The following STARD13 variants were observed in gnomAD, a reference collection of about 807,000 sequenced individuals.
STARD13 encodes stAR-related lipid transfer protein 13.
A neutral mutation model predicts 106.4 loss-of-function variants in STARD13; 62 were observed. The observed-to-expected ratio is 0.58, with a 90% CI of 0.48 to 0.72. The LOEUF (loss-of-function observed/expected upper bound fraction) is 0.72, where lower values mean the gene tolerates loss of function less well. Among genes scored for constraint, STARD13 ranks in the 30% least tolerant of loss-of-function variants. STARD13 has a pLI of 0.00. For missense variants in STARD13, 1,387 were observed against 1,424.0 expected, an observed-to-expected ratio of 0.97 and a Z score of 0.42; for synonymous variants, 565 against 553.0, an observed-to-expected ratio of 1.02 and a Z score of -0.31.
chr13:33,206,328 A>G (rs535386137), intron 1 of STARD13, among the ~76,000 whole-genome samples: 2 of 151,630 alleles, frequency 1.3e-5, no homozygotes, highest in East Asian at 1.9e-4. Context: ...AGGTTTTTCC[A>G]TGCCTAATAA....
rs769512023 is a variant in STARD13, at chr13:33,129,875, C to T, written c.802G>A (p.Gly268Arg). The change falls in exon 5 of 14, where the codon GGG (glycine) becomes AGG (arginine). Residue 268 changes from glycine to arginine, a missense_variant. Transcript: ENST00000336934. ...SFLKRMETLR[G>R]KGAHGRHKGS... ...TTATGCCTCCCGTGGGCTCCCTTCCCTCGGAGTGTTTCCATGCGTTTCAAA... is the reference window on the plus strand; with the variant it reads ...TTATGCCTCCCGTGGGCTCCCTTCCTTCGGAGTGTTTCCATGCGTTTCAAA... The T allele has an allele frequency of 5.0e-6, 8 of 1,613,138 alleles. No homozygotes were observed. In the South Asian group the frequency reaches 7.7e-5, roughly 15 times the overall value.
At chr13:33,389,155 A>C in the STARD13 span, among the ~76,000 whole-genome samples, 1 of 151,682 alleles carries the variant, frequency 6.6e-6, no homozygotes, top group African/African-American at 2.4e-5. Flanking sequence ...ATGGGATTTC[A>C]CCATGTTGGC....
intron 5 of STARD13, among the ~76,000 whole-genome samples, chr13:33,128,125 G>A (rs1716122986): frequency 6.6e-6 from 1 of 151,632 alleles, no homozygotes; most frequent in South Asian, 2.1e-4. Context: ...CAGAGATAGA[G>A]CAATATAGAC....
chr13:33,524,210 G>A, the STARD13 span: 1 of 1,257,198 alleles, frequency 8.0e-7, no homozygotes. Context: ...CTCACACCAG[G>A]GGCATATGTA....
the STARD13 span, among the ~76,000 whole-genome samples, chr13:33,395,484 A>G: frequency 6.6e-6 from 1 of 152,178 alleles, no homozygotes; most frequent in Non-Finnish European, 1.5e-5. Context: ...TGTAGTGGAA[A>G]TAAAAGAGGA....
the STARD13 span, among the ~76,000 whole-genome samples, chr13:33,664,754 G>C: frequency 6.6e-6 from 1 of 152,200 alleles, no homozygotes; most frequent in Non-Finnish European, 1.5e-5. Flanking sequence ...AGCCTCCGGA[G>C]TAGCGGGGAC....
intron 1 of STARD13, among the ~76,000 whole-genome samples, chr13:33,254,298 G>A (rs1181870565): frequency 6.6e-6 from 1 of 152,196 alleles, no homozygotes; most frequent in African/African-American, 2.4e-5. Context: ...AGGCTTAACA[G>A]TGTTGGAGAG....
intron 7 of STARD13, among the ~76,000 whole-genome samples, chr13:33,119,740 G>A (rs1316011855): frequency 6.6e-6 from 1 of 152,094 alleles, no homozygotes; most frequent in Non-Finnish European, 1.5e-5. Flanking sequence ...GGATATTCAG[G>A]CTGATAATAT....
intron 1 of STARD13, among the ~76,000 whole-genome samples, chr13:33,309,857 G>A (rs907074295): frequency 3.9e-5 from 6 of 152,132 alleles, no homozygotes; most frequent in African/African-American, 9.7e-5. Flanking sequence ...GATTGGGGAT[G>A]GGGAAAATAT....
chr13:33,355,760 G>A, the STARD13 span: 2 of 152,110 alleles, frequency 1.3e-5, no homozygotes, highest in East Asian at 3.9e-4. Context: ...TTTCAAGCTG[G>A]GTCCTTGGAT....
At position 33,112,922 on chromosome 13, in the gene STARD13, T is replaced by C. The variant is rs199768711; in HGVS notation, c.2291A>G (p.Lys764Arg). Residue 764 changes from lysine to arginine, a missense_variant, in exon 9 of 14, where the codon AAA becomes AGA. Physicochemically the swap from Lys to Arg is conservative, Grantham distance 26. Coordinates refer to ENST00000336934, the MANE Select transcript of STARD13 (RefSeq NM_178006.4). ...TFLHIYQYVS[K>R]EQRLQAVQAA... ...CTGCACGGCCTGCAGCCGCTGCTCT[T>C]TGGAGACATCTGAGGAAAAGTGGAT... 75 of 1,606,698 alleles carry C rather than the reference T, an allele frequency of 4.7e-5. 1 individual carries two copies. In the East Asian group the frequency reaches 1.5e-3, roughly 33 times the overall value.
intron 1 of STARD13, among the ~76,000 whole-genome samples, chr13:33,202,766 T>G (rs2555592): frequency 0.04 from 6,144 of 152,150 alleles, 377 homozygotes; most frequent in African/African-American, 0.14. Flanking sequence ...GGGACAGAAC[T>G]GGGCAGAGCG....
At position 33,118,045 on chromosome 13, in the gene STARD13, A is replaced by G. The variant is rs761774568; in HGVS notation, c.2281+20T>C. ...TGGAAGGATGCCCACGAGAACACCA[A>G]TCTCATTATTTCCACTTACACTGAT... On this transcript the variant is annotated intron_variant, in intron 8 of 13. Coordinates refer to ENST00000336934, the MANE Select transcript of STARD13 (RefSeq NM_178006.4). 4 of 1,612,748 alleles carry G rather than the reference A, an allele frequency of 2.5e-6. No homozygotes were observed. The highest frequency in any genetic ancestry group is 2.7e-5 in the African/African-American group (2 of 74,902).
At chr13:33,495,611 G>A in the STARD13 span, among the ~76,000 whole-genome samples, 1 of 151,826 alleles carries the variant, frequency 6.6e-6, no homozygotes, top group African/African-American at 2.4e-5. Flanking sequence ...CCAAATACTT[G>A]CCATGTATAT....
At chr13:33,450,366 T>C in the STARD13 span, among the ~76,000 whole-genome samples, 1 of 152,246 alleles carries the variant, frequency 6.6e-6, no homozygotes, top group South Asian at 2.1e-4. Context: ...TAACATATCA[T>C]GTTTAATGAT....
intron 7 of STARD13, among the ~76,000 whole-genome samples, chr13:33,125,036 C>G (rs140577750): frequency 6.6e-6 from 1 of 152,198 alleles, no homozygotes; most frequent in African/African-American, 2.4e-5. Context: ...CAGTCAAAGA[C>G]AACTTCAAAT....
the STARD13 span, among the ~76,000 whole-genome samples, chr13:33,368,174 C>G: frequency 6.6e-6 from 1 of 152,202 alleles, no homozygotes; most frequent in African/African-American, 2.4e-5. Context: ...CCCCCACTAA[C>G]TCTTTGCAAT....
chr13:33,371,491 C>T, the STARD13 span, among the ~76,000 whole-genome samples: 1 of 152,196 alleles, frequency 6.6e-6, no homozygotes, highest in Non-Finnish European at 1.5e-5. Flanking sequence ...TTAATTTCAT[C>T]TTTGCACAGG....
At chr13:33,116,609 G>A (rs769215715) in intron 8 of STARD13, among the ~76,000 whole-genome samples, 3 of 152,208 alleles carry the variant, frequency 2.0e-5, no homozygotes, top group Non-Finnish European at 4.4e-5. Flanking sequence ...TGTGGCTTTA[G>A]CCTTAGACTA....
Sources: gnomAD v4.1 joint callset for allele counts (sites outside exome capture counted in the v4.1 genomes callset) on GRCh38, gnomAD v4.1.1 for gene constraint, MANE v1.5 for transcripts, NCBI Gene and HGNC (gene_info 2026-07-23, HGNC 2026-07-21) for gene names.